Variants in TNRC18 observed in about 807,000 individuals in gnomAD.
TNRC18 encodes trinucleotide repeat-containing gene 18 protein.
TNRC18 carries 69 observed loss-of-function variants against 226.7 expected under a neutral mutation model. The ratio of observed to expected loss-of-function variants is 0.30; its 90% CI spans 0.25 to 0.37. TNRC18 has a LOEUF of 0.37. Among genes scored for constraint, TNRC18 ranks in the 10% least tolerant of loss-of-function variants. The pLI, the probability that TNRC18 is intolerant of heterozygous loss-of-function variation, is 1.00. For synonymous variants in TNRC18, 2,449 were observed against 1,927.6 expected (o/e 1.27, Z -7.09); for missense variants, 4,754 against 4,256.6 (o/e 1.12, Z -3.25).
At position 5,332,995 on chromosome 7, in the gene TNRC18, G is replaced by C. The variant is rs191441128; in HGVS notation, c.5774C>G (p.Ser1925Trp). The C allele has an allele frequency of 4.1e-3, 6,511 of 1,574,226 alleles. 10 individuals are homozygous for C. Among genetic ancestry groups the C allele is most frequent in the Non-Finnish European group, 5.2e-3 (6,106 of 1,168,360 alleles). The stretch of plus-strand genomic sequence containing the variant: ...CTTGGGCCGCAGCAGCCCCGCAGGC[G>C]ACCGCTTGCGCACCTTGACCTCGCT... ...SESEVKVRKR[S>W]PAGLLRPKKG... is the part of the protein sequence containing the mutation. The change falls in exon 19 of 30, where the codon TCG becomes TGG. Residue 1925 changes from serine to tryptophan, a missense_variant. Ser to Trp is a radical substitution (Grantham distance 177). Coordinates refer to ENST00000430969, the MANE Select transcript of TNRC18 (RefSeq NM_001080495.3).
Position 5,361,595 on chromosome 7 carries a change from T to G in TNRC18, c.4660A>C (p.Lys1554Gln). The G allele has an allele frequency of 6.6e-7, 1 of 1,521,016 alleles. No homozygotes were observed. The highest frequency in any genetic ancestry group is 8.8e-7 in the Non-Finnish European group (1 of 1,133,902). 94.2% of individuals were successfully genotyped at this position (1,521,016 alleles called of 1,614,324 possible). A position where few individuals can be genotyped will look rare whatever the true frequency, so the allele number is the denominator to read the frequency against. The change falls in exon 14 of 30, where the codon AAG becomes CAG. Residue 1554 changes from lysine (K) to glutamine (Q), a missense_variant and splice_region_variant. Coordinates refer to ENST00000430969, the MANE Select transcript of TNRC18 (RefSeq NM_001080495.3). The part of the protein sequence containing the change: ...KRGKSGHSSG[K>Q]LSSKSLLTSD... Reference sequence around the variant, plus strand: ...GACCCACCGAGGGGCCAGCCTTACTTTCCGCTACTGTGGCCGCTCTTCCCT... The same window carrying G: ...GACCCACCGAGGGGCCAGCCTTACTGTCCGCTACTGTGGCCGCTCTTCCCT...
At position 5,388,875 on chromosome 7, in the gene TNRC18, G is replaced by C. The variant is rs935002277; in HGVS notation, c.949C>G (p.Leu317Val). The C allele has an allele frequency of 7.6e-7, 1 of 1,312,186 alleles. No homozygotes were observed. The highest frequency in any genetic ancestry group is 3.7e-5 in the Admixed American group (1 of 26,978). 81.3% of individuals were successfully genotyped at this position (1,312,186 alleles called of 1,614,324 possible). A position where few individuals can be genotyped will look rare whatever the true frequency, so the allele number is the denominator to read the frequency against. Residue 317 changes from leucine to valine, a missense_variant, in exon 5 of 30, where the codon CTG (leucine) becomes GTG (valine). Transcript: ENST00000430969. ...EAARQDEGARLLRRTETLLPG... is the reference protein window; with the variant it reads ...EAARQDEGARVLRRTETLLPG... Reference sequence around the variant, plus strand: ...AGCAGGGTCTCCGTGCGCCGCAGCAGCCGCGCGCCCTCGTCCTGCCGGGCA... The same window carrying C: ...AGCAGGGTCTCCGTGCGCCGCAGCACCCGCGCGCCCTCGTCCTGCCGGGCA...
At chr7:5,322,809 G>T (rs1788511575) in intron 21 of TNRC18, among the ~76,000 whole-genome samples, 1 of 152,200 alleles carries the variant, frequency 6.6e-6, no homozygotes. Context: ...CTGGGAGAGG[G>T]ATGGGTGGGA....
rs528224368 is a variant in TNRC18, at chr7:5,418,083, G to A, written c.187+2977C>T. Among the ~76,000 whole-genome samples the A allele has an allele frequency of 1.8e-4, 28 of 152,246 alleles. No individual in the cohort carries two copies. The South Asian group carries it at 5.8e-3, about 32-fold the overall frequency. ...ATGTACCCCTCCAGGGCCAGCCTAG[G>A]GTGTGGGGGCAGGGAGAATAAACAT... On this transcript the variant is annotated intron_variant, in intron 2 of 29. Transcript: ENST00000430969.
intron 2 of TNRC18, among the ~76,000 whole-genome samples, chr7:5,416,760 G>A (rs1446215087): frequency 6.6e-6 from 1 of 151,998 alleles, no homozygotes; most frequent in Non-Finnish European, 1.5e-5. Flanking sequence ...AGGAGGCTGA[G>A]GCAGGAGGAT....
In TNRC18 at chr7:5,320,529, C is replaced by T. The variant is rs781294400; in HGVS notation, c.6636+3G>A. ...TCCCGAGGCCCCGCCCCTCCCCCCT[C>T]ACCGCCTCCTGCAGCAACTGCTCCA... On this transcript the variant is annotated splice_donor_region_variant and intron_variant, in intron 23 of 29. Coordinates refer to ENST00000430969, the MANE Select transcript of TNRC18 (RefSeq NM_001080495.3). 1.2e-6 allele frequency: 2 copies of T among 1,608,988 alleles called. No individual in the cohort carries two copies. Among genetic ancestry groups the T allele is most frequent in the Admixed American group, 1.7e-5 (1 of 59,812 alleles).
chr7:5,404,224 A>C (rs1470033860), intron 2 of TNRC18, among the ~76,000 whole-genome samples: 2 of 152,176 alleles, frequency 1.3e-5, no homozygotes, highest in African/African-American at 4.8e-5. Context: ...TACAAAACTT[A>C]GGTGGGTGTG....
intron 5 of TNRC18, among the ~76,000 whole-genome samples, chr7:5,379,963 A>G (rs529070907): frequency 1.8e-4 from 27 of 152,336 alleles, no homozygotes; most frequent in African/African-American, 5.8e-4. Flanking sequence ...GCCAGCTGCA[A>G]TGTCAGGGGA....
At chr7:5,362,892 G>A (rs536872163) in intron 11 of TNRC18, 67 bp from the exon 12 acceptor site, 24 of 1,426,926 alleles carry the variant, frequency 1.7e-5, no homozygotes, top group East Asian at 1.0e-4. Flanking sequence ...CGGGGATGCC[G>A]AGGCCCAAAG....
chr7:5,361,231 G>C (rs1793007308), intron 14 of TNRC18, among the ~76,000 whole-genome samples: 1 of 152,218 alleles, frequency 6.6e-6, no homozygotes, highest in South Asian at 2.1e-4. Flanking sequence ...CCGGGTCATA[G>C]CCCGTCCCAA....
At chr7:5,320,244 T>C (rs1788210182) in intron 24 of TNRC18, 74 bp downstream of exon 24, 1 of 1,176,140 alleles carries the variant, frequency 8.5e-7, no homozygotes, top group Admixed American at 2.0e-5. Context: ...CAGTTAGAGT[T>C]GGGTTTTAGT....
rs140205792 is a variant in TNRC18 at position 5,347,760 on chromosome 7, G to A, written c.5471-1950C>T. Among the ~76,000 whole-genome samples the A allele has an allele frequency of 2.5e-3, 379 of 152,070 alleles. 5 individuals are homozygous for A. The highest frequency in any genetic ancestry group is 8.7e-3 in the African/African-American group (361 of 41,504). ...TCATGATGTCAGGAGTTCGAGACCA[G>A]CCTGGCCAACCTGGTGAAACCCCAT... On this transcript the variant is annotated intron_variant, in intron 17 of 29. Coordinates refer to ENST00000430969, the MANE Select transcript of TNRC18 (RefSeq NM_001080495.3).
chr7:5,356,988 C>G lies in TNRC18; in HGVS notation c.5122G>C (p.Gly1708Arg), dbSNP rs553482787. The G allele has an allele frequency of 1.3e-6, 2 of 1,552,240 alleles. No homozygotes were observed. The highest frequency in any genetic ancestry group is 2.4e-5 in the East Asian group (1 of 40,928). The part of the protein sequence containing the change: ...RAAKTRKMEV[G>R]FKARGQPKSA... ...TTGGGCTGGCCTCTGGCCTTGAACC[C>G]CACCTCCATCTTCCTGGTTTTGGCT... is the stretch of plus-strand genomic sequence containing the variant. Residue 1708 changes from glycine (G) to arginine (R), a missense_variant, in exon 16 of 30, where the codon GGG (glycine) becomes CGG (arginine). Coordinates refer to ENST00000430969, the MANE Select transcript of TNRC18 (RefSeq NM_001080495.3).
rs764313070 is a variant in TNRC18 at position 5,324,793 on chromosome 7, G to A, written c.6300+303C>T. 2.0e-4 allele frequency among the ~76,000 whole-genome samples: 31 copies of A among 152,294 alleles called. No homozygotes were observed. Among genetic ancestry groups the A allele is most frequent in the Non-Finnish European group, 3.5e-4 (24 of 68,032 alleles). ...CTGCCACTCGGGCAGATTCACCCAA[G>A]CCTGAGGGCCCTGTGAGGACCTGGT... On this transcript the variant is annotated intron_variant, in intron 20 of 29. Transcript: ENST00000430969. The surrounding 1 kb of genome is among the most constrained non-coding windows in gnomAD (Gnocchi z 4.8).
At chr7:5,359,697 G>C (rs577434362) in intron 14 of TNRC18, 128 bp from the exon 15 acceptor site, 1 of 978,050 alleles carries the variant, frequency 1.0e-6, no homozygotes, top group African/African-American at 1.6e-5. Flanking sequence ...AGAGTGACGG[G>C]CGTGGGGAGA....
chr7:5,325,325 C>G (rs1300250485), intron 19 of TNRC18, 77 bp from the exon 20 acceptor site: 1 of 1,499,694 alleles, frequency 6.7e-7, no homozygotes, highest in African/African-American at 1.4e-5. Context: ...CCCTCACTCA[C>G]TCACCCCCAA....
Position 5,421,152 on chromosome 7 carries a change from G to A in TNRC18, c.95C>T (p.Ala32Val), listed in dbSNP as rs755652474. ...GGCGGGCAAGCGTCCGGCAGTGGCC[G>A]CGCCCACGCGGTGGCTGTCCATGGC... ...GLAMDSHRVG[A>V]ATAGRLPASG... Residue 32 changes from alanine to valine, a missense_variant, in exon 2 of 30, where the codon GCG becomes GTG. By Grantham distance (64) the Ala-to-Val change is moderately conservative (BLOSUM62 0). Coordinates refer to ENST00000430969, the MANE Select transcript of TNRC18 (RefSeq NM_001080495.3). 4 of 1,428,814 alleles carry A rather than the reference G, an allele frequency of 2.8e-6. No individual in the cohort carries two copies. The East Asian group carries it at 8.0e-5, about 29-fold the overall frequency. 88.5% of individuals were successfully genotyped at this position (1,428,814 alleles called of 1,614,324 possible). A position where few individuals can be genotyped will look rare whatever the true frequency, so the allele number is the denominator to read the frequency against.
chr7:5,316,479 A>C (rs1787862449), intron 24 of TNRC18, among the ~76,000 whole-genome samples: 1 of 151,816 alleles, frequency 6.6e-6, no homozygotes, highest in South Asian at 2.1e-4. Flanking sequence ...GGGTTTCTCC[A>C]TGTTGGTCAG....
rs1158649059 is a variant in TNRC18, at chr7:5,388,868, C to T, written c.956G>A (p.Arg319Gln). ...ARQDEGARLL[R>Q]RTETLLPGPR... Reference sequence around the variant, plus strand: ...CCCAGGGAGCAGGGTCTCCGTGCGCCGCAGCAGCCGCGCGCCCTCGTCCTG... The same window carrying T: ...CCCAGGGAGCAGGGTCTCCGTGCGCTGCAGCAGCCGCGCGCCCTCGTCCTG... The change falls in exon 5 of 30, where the codon CGG becomes CAG. Residue 319 changes from arginine (R) to glutamine (Q), a missense_variant. Arg to Gln is a conservative substitution (Grantham distance 43). Transcript: ENST00000430969. The T allele has an allele frequency of 1.6e-6, 2 of 1,289,844 alleles. No homozygotes were observed. The highest frequency in any genetic ancestry group is 1.6e-5 in the African/African-American group (1 of 61,758). The allele number at this position is 1,289,844 out of a possible 1,614,324, so 79.9% of individuals were successfully genotyped here.
Sources: allele counts gnomAD v4.1 joint callset (sites outside exome capture counted in the v4.1 genomes callset), GRCh38; gene constraint gnomAD v4.1.1; non-coding constraint Gnocchi (gnomAD v3.1); transcripts MANE v1.5; gene names NCBI Gene and HGNC (gene_info 2026-07-23, HGNC 2026-07-21).